The following MAP3K7CL variants were observed in gnomAD, a reference collection of about 807,000 sequenced individuals.
MAP3K7CL encodes MAP3K7 C-terminal-like protein.
A neutral mutation model predicts 18.6 loss-of-function variants in MAP3K7CL; 16 were observed. That is an observed-to-expected ratio of 0.86 (90% CI 0.58 to 1.31). MAP3K7CL has a LOEUF of 1.31. Among genes scored for constraint, MAP3K7CL ranks in the 50% most tolerant of loss-of-function variants. The pLI, the probability that MAP3K7CL is intolerant of heterozygous loss-of-function variation, is 0.00. For synonymous variants in MAP3K7CL, 65 were observed against 66.8 expected (o/e 0.97, Z 0.13); for missense variants, 163 against 174.4 (o/e 0.93, Z 0.37).
chr21:29,106,265 C>T (rs555672865), intron 4 of MAP3K7CL, among the ~76,000 whole-genome samples: 3 of 152,228 alleles, frequency 2.0e-5, no homozygotes, highest in African/African-American at 7.2e-5. Context: ...CAGCTCACCA[C>T]AACCTCTGCC....
At chr21:29,133,441 G>C in intron 2 of MAP3K7CL, 27 bp downstream of exon 2, 1 of 1,478,434 alleles carries the variant, frequency 6.8e-7, no homozygotes, top group Non-Finnish European at 9.2e-7. Context: ...AAGAAGGATT[G>C]TTTCCTTCAT....
intron 4 of MAP3K7CL, among the ~76,000 whole-genome samples, chr21:29,097,499 G>A (rs796068677): frequency 2.2e-4 from 33 of 151,934 alleles, no homozygotes; most frequent in African/African-American, 7.7e-4. Context: ...TTCCCCTTAC[G>A]TCAACCTTGA....
rs796708937 is a variant in MAP3K7CL, at chr21:29,097,597, G to GT, written c.370+5026dup. Among the ~76,000 whole-genome samples the GT allele has an allele frequency of 7.2e-4, 107 of 148,752 alleles. 1 individual carries two copies. The highest frequency in any genetic ancestry group is 1.7e-3 in the Admixed American group (26 of 14,870). On this transcript the variant is annotated intron_variant, in intron 4 of 6. Coordinates refer to the MAP3K7CL transcript ENST00000286791. ...ATTTGCTACATAGTCTCCCTTACAAGTTTTTTTTTTATTAGTCATTTCTTC... is the reference window on the plus strand; with the variant it reads ...ATTTGCTACATAGTCTCCCTTACAAGTTTTTTTTTTTATTAGTCATTTCTTC...
rs77056655 is a variant in MAP3K7CL at position 29,114,872 on chromosome 21, G to A, written c.370+22291G>A. Among the ~76,000 whole-genome samples the A allele has an allele frequency of 8.6e-3, 1,307 of 152,270 alleles. 17 individuals are homozygous for A. The highest frequency in any genetic ancestry group is 0.014 in the Non-Finnish European group (946 of 68,012). On this transcript the variant is annotated intron_variant, in intron 4 of 6. Coordinates refer to the MAP3K7CL transcript ENST00000286791. ...AAGTGAGTCACCCAAGGTTACTTTC[G>A]ATAGAAGGTGGGTGTGGAAAGACTT... is the stretch of plus-strand genomic sequence containing the variant.
At chr21:29,110,172 A>G (rs2086394982) in intron 4 of MAP3K7CL, among the ~76,000 whole-genome samples, 1 of 152,166 alleles carries the variant, frequency 6.6e-6, no homozygotes, top group South Asian at 2.1e-4. Flanking sequence ...TTTAAACACA[A>G]AATTAATCTA....
chr21:29,123,059 T>TC (rs1405208686), intron 4 of MAP3K7CL, among the ~76,000 whole-genome samples: 4 of 102,220 alleles, frequency 3.9e-5, no homozygotes, highest in Non-Finnish European at 7.8e-5. Context: ...AATGATCTTT[T>TC]TTTTTTTTTT....
chr21:29,095,656 G>A (rs2086110052), intron 4 of MAP3K7CL, among the ~76,000 whole-genome samples: 1 of 152,184 alleles, frequency 6.6e-6, no homozygotes, highest in Non-Finnish European at 1.5e-5. Context: ...AAAAACATCT[G>A]CTGTGACCAA....
rs2086816316 is a variant in MAP3K7CL, at chr21:29,133,377, G to A, written c.33G>A (p.Lys11=). 6.5e-7 allele frequency: 1 copy of A among 1,550,352 alleles called. No homozygotes were observed. The highest frequency in any genetic ancestry group is 1.4e-5 in the African/African-American group (1 of 73,188). ...GCACAGCCAGGGTACCTGCTGACAA[G>A]CCTGTACGCATCGCCTTTAGCCTCA... The part of the protein sequence containing the change: MISTARVPAD[K]PVRIAFSLND... The change falls in exon 2 of 5, where the codon AAG becomes AAA. Residue 11 remains lysine, a synonymous_variant. Transcript: ENST00000399928.
intron 4 of MAP3K7CL, among the ~76,000 whole-genome samples, chr21:29,121,551 T>C (rs1383484069): frequency 6.6e-6 from 1 of 152,106 alleles, no homozygotes; most frequent in Non-Finnish European, 1.5e-5. Flanking sequence ...CTCATTCACA[T>C]GGGAGGTTTG....
chr21:29,123,708 C>T (rs1260781603), intron 4 of MAP3K7CL, among the ~76,000 whole-genome samples: 1 of 152,132 alleles, frequency 6.6e-6, no homozygotes, highest in Non-Finnish European at 1.5e-5. Flanking sequence ...GGTTTGAATG[C>T]TGTCTGATGA....
At chr21:29,120,361 A>G (rs2086571848) in intron 4 of MAP3K7CL, among the ~76,000 whole-genome samples, 1 of 152,192 alleles carries the variant, frequency 6.6e-6, no homozygotes, top group African/African-American at 2.4e-5. Flanking sequence ...AAGAGATTTA[A>G]TTTTGGCAAA....
At chr21:29,136,397 A>G (rs1171010633) in intron 2 of MAP3K7CL, among the ~76,000 whole-genome samples, 2 of 152,210 alleles carry the variant, frequency 1.3e-5, no homozygotes, top group Non-Finnish European at 2.9e-5. Flanking sequence ...AAATGAGGGC[A>G]CTAATGTGGA....
intron 2 of MAP3K7CL, among the ~76,000 whole-genome samples, chr21:29,134,581 C>G (rs2086843709): frequency 1.3e-5 from 2 of 152,196 alleles, no homozygotes. Context: ...TTCCAAACCT[C>G]TTCTCATGAT....
At chr21:29,143,941 G>T (rs964924266) in intron 2 of MAP3K7CL, among the ~76,000 whole-genome samples, 2 of 151,906 alleles carry the variant, frequency 1.3e-5, no homozygotes, top group African/African-American at 4.8e-5. Context: ...AGGTGTTTTG[G>T]GTATATGCTT....
At chr21:29,136,779 C>T (rs2086895872) in intron 2 of MAP3K7CL, among the ~76,000 whole-genome samples, 1 of 152,178 alleles carries the variant, frequency 6.6e-6, no homozygotes, top group African/African-American at 2.4e-5. Context: ...CCTCAGCCTC[C>T]CAAAGTGCTG....
At chr21:29,133,459 C>A in intron 2 of MAP3K7CL, 45 bp downstream of exon 2, 3 of 1,410,218 alleles carry the variant, frequency 2.1e-6, no homozygotes, top group South Asian at 1.4e-5. Flanking sequence ...CATACCCCAC[C>A]TTTCTAGCAT....
At chr21:29,147,843 T>C (rs1012208802) in intron 2 of MAP3K7CL, among the ~76,000 whole-genome samples, 1 of 151,788 alleles carries the variant, frequency 6.6e-6, no homozygotes, top group African/African-American at 2.4e-5. Flanking sequence ...GTACTGTATA[T>C]ATCTGTACTG....
At chr21:29,091,712 G>T (rs2086032265) in exon 3 of MAP3K7CL, 1 of 702,238 alleles carries the variant, frequency 1.4e-6, no homozygotes, top group African/African-American at 1.7e-5. Flanking sequence ...TGAACACCTG[G>T]CTTCAAGCAG....
upstream of MAP3K7CL, among the ~76,000 whole-genome samples, chr21:29,125,689 C>A (rs1053382234): frequency 6.6e-6 from 1 of 152,136 alleles, no homozygotes; most frequent in Non-Finnish European, 1.5e-5. Flanking sequence ...TGTGGTTTTT[C>A]ATTGCATTGC....
Sources: allele counts gnomAD v4.1 joint callset (sites outside exome capture counted in the v4.1 genomes callset), GRCh38; gene constraint gnomAD v4.1.1; transcripts MANE v1.5; gene names NCBI Gene and HGNC (gene_info 2026-07-23, HGNC 2026-07-21).